The following ABCA13 variants were observed in gnomAD, a reference collection of about 807,000 sequenced individuals.
The protein encoded by ABCA13 is ATP binding cassette subfamily A member 13, also known as ATP-binding cassette sub-family A member 13.
ABCA13 carries 476 observed loss-of-function variants against 478.7 expected under a neutral mutation model. That is an observed-to-expected ratio of 0.99 (90% CI 0.92 to 1.07). The LOEUF (loss-of-function observed/expected upper bound fraction) is 1.07, where lower values mean the gene tolerates loss of function less well. Among genes scored for constraint, ABCA13 ranks in the 50% least tolerant of loss-of-function variants. ABCA13 has a pLI of 0.00. For missense variants in ABCA13, 6,060 were observed against 5,910.6 expected (o/e 1.03, Z -0.83); for synonymous variants, 2,252 against 2,158.9 (o/e 1.04, Z -1.20).
intron 9 of ABCA13, 30 bp from the exon 10 acceptor site, chr7:48,240,837 A>G: frequency 6.8e-7 from 1 of 1,466,762 alleles, no homozygotes; most frequent in South Asian, 1.6e-5. Flanking sequence ...GCTATTATTA[A>G]TGCTAGTATT....
At chr7:48,268,430 A>G (rs542958880) in intron 15 of ABCA13, among the ~76,000 whole-genome samples, 1 of 152,132 alleles carries the variant, frequency 6.6e-6, no homozygotes, top group Non-Finnish European at 1.5e-5. Flanking sequence ...AAGTGCTGGG[A>G]TTACAGGCGT....
At chr7:48,173,015 TGCTCTTTCTG>T (rs2128843215) in intron 1 of ABCA13, among the ~76,000 whole-genome samples, 1 of 152,230 alleles carries the variant, frequency 6.6e-6, no homozygotes, top group East Asian at 1.9e-4. Flanking sequence ...TCCCAGGCAC[TGCTCTTTCTG>T]CTTTATGCAT....
chr7:48,532,837 A>G lies in ABCA13; in HGVS notation c.14354+4492A>G, dbSNP rs558564912. The stretch of plus-strand genomic sequence containing the variant: ...GAATAGTATTTTTTATTTCTGTAGT[A>G]TCAGTAATAATATCTCTTTTTTCAT... On this transcript the variant is annotated intron_variant, in intron 55 of 61. Coordinates refer to ENST00000435803, the MANE Select transcript of ABCA13 (RefSeq NM_152701.5). Among the ~76,000 whole-genome samples the G allele has an allele frequency of 1.1e-4, 17 of 152,136 alleles. 1 individual carries two copies. The South Asian group carries it at 3.3e-3, about 30-fold the overall frequency.
At chr7:48,543,583 C>G (rs1025958736) in intron 55 of ABCA13, among the ~76,000 whole-genome samples, 1 of 151,392 alleles carries the variant, frequency 6.6e-6, no homozygotes, top group Non-Finnish European at 1.5e-5. Context: ...GAGATCGCAC[C>G]GTTGCACTCC....
intron 55 of ABCA13, among the ~76,000 whole-genome samples, chr7:48,557,360 T>A (rs905396191): frequency 4.6e-5 from 7 of 152,170 alleles, no homozygotes; most frequent in African/African-American, 1.7e-4. Context: ...CAAATGTTTT[T>A]AGCATTTCTT....
intron 48 of ABCA13, among the ~76,000 whole-genome samples, chr7:48,501,533 G>A (rs1370826822): frequency 6.6e-6 from 1 of 152,080 alleles, no homozygotes; most frequent in Non-Finnish European, 1.5e-5. Context: ...AAAATCTGTG[G>A]CCCCTCTGAA....
At chr7:48,410,992 T>C (rs1407187811) in intron 40 of ABCA13, among the ~76,000 whole-genome samples, 1 of 96,950 alleles carries the variant, frequency 1.0e-5, no homozygotes, top group Non-Finnish European at 2.2e-5. Flanking sequence ...TCTTTCTTTC[T>C]TTCTTTCTTT....
chr7:48,568,947 T>C (rs1787340512), intron 55 of ABCA13, among the ~76,000 whole-genome samples: 1 of 152,090 alleles, frequency 6.6e-6, no homozygotes, highest in Non-Finnish European at 1.5e-5. Flanking sequence ...TAAAAAATTT[T>C]CCATTTCTTT....
Position 48,481,060 on chromosome 7 carries a change from G to T in ABCA13, c.13000G>T (p.Ala4334Ser). 6.3e-7 allele frequency: 1 copy of T among 1,599,954 alleles called. No homozygotes were observed. Among genetic ancestry groups the T allele is most frequent in the Non-Finnish European group, 8.5e-7 (1 of 1,172,898 alleles). ...CLKCPNRSAS[A>S]PYLTNHLGHT... is the part of the protein sequence containing the mutation. ...GAAGTGTCCAAATAGAAGTGCTAGTGCTCCCTACCTGACCAACCACCTGGG... is the reference window on the plus strand; with the variant it reads ...GAAGTGTCCAAATAGAAGTGCTAGTTCTCCCTACCTGACCAACCACCTGGG... The change falls in exon 46 of 62, where the codon GCT becomes TCT. Residue 4334 changes from alanine to serine, a missense_variant. Transcript: ENST00000435803.
At chr7:48,244,823 C>G (rs1350514851) in intron 11 of ABCA13, 120 bp downstream of exon 11, 14 of 1,242,122 alleles carry the variant, frequency 1.1e-5, no homozygotes, top group Admixed American at 9.2e-5. Context: ...TTGCTGGTGT[C>G]ATATGCATAT....
intron 59 of ABCA13, among the ~76,000 whole-genome samples, chr7:48,625,787 T>C (rs943755155): frequency 1.3e-5 from 2 of 152,232 alleles, no homozygotes; most frequent in African/African-American, 4.8e-5. Flanking sequence ...CATTTTTTAA[T>C]ATTTTCTGTA....
At chr7:48,636,840 G>A (rs969471768) in intron 59 of ABCA13, among the ~76,000 whole-genome samples, 4 of 152,104 alleles carry the variant, frequency 2.6e-5, no homozygotes, top group Non-Finnish European at 4.4e-5. Flanking sequence ...GAAAGTTCCA[G>A]GCACATTTCG....
Position 48,481,085 on chromosome 7 carries a change from G to A in ABCA13, c.13025G>A (p.Gly4342Asp), listed in dbSNP as rs948553047. The change falls in exon 46 of 62, where the codon GGC becomes GAC. Residue 4342 changes from glycine to aspartate, a missense_variant. Around this residue, in one of 3 missense-constraint regions of ABCA13, gnomAD observed 1,627 missense variants for 1,571.0 expected, o/e 1.04. Coordinates refer to ENST00000435803, the MANE Select transcript of ABCA13 (RefSeq NM_152701.5). ...GCTCCCTACCTGACCAACCACCTGG[G>A]CCACACACTGTTGAATCTCTCAGGC... is the stretch of plus-strand genomic sequence containing the variant. Reference protein sequence around the residue: ...ASAPYLTNHLGHTLLNLSGFN... With the variant: ...ASAPYLTNHLDHTLLNLSGFN... 5 of 1,603,302 alleles carry A rather than the reference G, an allele frequency of 3.1e-6. No homozygotes were observed. In the African/African-American group the frequency reaches 6.7e-5, roughly 21 times the overall value.
intron 15 of ABCA13, among the ~76,000 whole-genome samples, chr7:48,265,742 CTTTTA>C (rs1367854132): frequency 6.6e-6 from 1 of 151,164 alleles, no homozygotes; most frequent in Non-Finnish European, 1.5e-5. Flanking sequence ...TTTTGTATGT[CTTTTA>C]TTTATTTTAT....
At chr7:48,419,430 A>G (rs1391849426) in intron 41 of ABCA13, among the ~76,000 whole-genome samples, 1 of 152,158 alleles carries the variant, frequency 6.6e-6, no homozygotes, top group Non-Finnish European at 1.5e-5. Context: ...TAAAATTCCT[A>G]CAGTAAAATT....
chr7:48,518,972 A>G (rs919723310), intron 52 of ABCA13, among the ~76,000 whole-genome samples: 2 of 145,672 alleles, frequency 1.4e-5, no homozygotes, highest in African/African-American at 5.1e-5. Context: ...CCCCCACCCC[A>G]TCCCCCAACA....
rs184509072 is a variant in ABCA13 at position 48,615,461 on chromosome 7, G to A, written c.14837+84G>A. The A allele has an allele frequency of 1.3e-3, 1,646 of 1,238,058 alleles. 1 individual carries two copies. The highest frequency in any genetic ancestry group is 1.7e-3 in the Non-Finnish European group (1,496 of 884,886). 76.7% of individuals were successfully genotyped at this position (1,238,058 alleles called of 1,614,324 possible). A position where few individuals can be genotyped will look rare whatever the true frequency, so the allele number is the denominator to read the frequency against. Reference sequence around the variant, plus strand: ...GGGTTATGACTGGAGATGCTTTAGAGGCAAGTATGTTCCAATTACCTGCTG... The same window carrying A: ...GGGTTATGACTGGAGATGCTTTAGAAGCAAGTATGTTCCAATTACCTGCTG... On this transcript the variant is annotated intron_variant, in intron 59 of 61. Transcript: ENST00000435803.
At chr7:48,641,482 C>G (rs1195157767) in intron 59 of ABCA13, among the ~76,000 whole-genome samples, 1 of 152,162 alleles carries the variant, frequency 6.6e-6, no homozygotes, top group East Asian at 1.9e-4. Flanking sequence ...TCAGTCAGTC[C>G]TCTCACAACC....
intron 48 of ABCA13, among the ~76,000 whole-genome samples, chr7:48,490,686 C>A (rs1487739444): frequency 6.6e-6 from 1 of 152,200 alleles, no homozygotes; most frequent in African/African-American, 2.4e-5. Context: ...AGTTTCACCT[C>A]ATCATAAAGC....
Sources: gnomAD v4.1 joint callset for allele counts (sites outside exome capture counted in the v4.1 genomes callset) on GRCh38, gnomAD v4.1.1 for gene constraint, gnomAD v4.1.1 regional missense constraint, MANE v1.5 for transcripts, NCBI Gene and HGNC (gene_info 2026-07-23, HGNC 2026-07-21) for gene names.